The following SH3GL2 variants were observed in gnomAD, a reference collection of about 807,000 sequenced individuals.
The protein encoded by SH3GL2 is endophilin-A1.
A neutral mutation model predicts 46.0 loss-of-function variants in SH3GL2; 24 were observed. The observed-to-expected ratio is 0.52, with a 90% CI of 0.38 to 0.73. The LOEUF is 0.73. Among genes scored for constraint, SH3GL2 ranks in the 30% least tolerant of loss-of-function variants. The probability of loss-of-function intolerance (pLI) is 0.00; values close to 1 mark genes in which losing one functional copy is unlikely to be tolerated. For synonymous variants in SH3GL2, 196 were observed against 147.1 expected, an observed-to-expected ratio of 1.33 and a Z score of -2.40; for missense variants, 413 against 424.2, an observed-to-expected ratio of 0.97 and a Z score of 0.23.
intron 1 of SH3GL2, among the ~76,000 whole-genome samples, chr9:17,591,565 G>A: frequency 6.6e-6 from 1 of 152,164 alleles, no homozygotes; most frequent in East Asian, 1.9e-4. Context: ...ATTTGTATCA[G>A]TTATTCAGGA....
intron 1 of SH3GL2, among the ~76,000 whole-genome samples, chr9:17,711,858 G>A (rs961619504): frequency 6.6e-6 from 1 of 151,764 alleles, no homozygotes; most frequent in African/African-American, 2.4e-5. Context: ...TTATGTGGTA[G>A]ATGTATGTTT....
At chr9:17,769,948 A>G (rs911798571) in intron 3 of SH3GL2, among the ~76,000 whole-genome samples, 1 of 152,156 alleles carries the variant, frequency 6.6e-6, no homozygotes, top group Non-Finnish European at 1.5e-5. Context: ...ACTCCTTTAT[A>G]TATACCCAGT....
At chr9:17,685,738 G>C (rs1820886422) in intron 1 of SH3GL2, among the ~76,000 whole-genome samples, 2 of 151,998 alleles carry the variant, frequency 1.3e-5, no homozygotes, top group South Asian at 4.2e-4. Context: ...TCTCAGGTTT[G>C]TCAAAGATCA....
At chr9:17,678,921 TG>T (rs1208958051) in intron 1 of SH3GL2, among the ~76,000 whole-genome samples, 1 of 152,196 alleles carries the variant, frequency 6.6e-6, no homozygotes, top group Non-Finnish European at 1.5e-5. Context: ...TTGTCAGATT[TG>T]TCAAAGATCA....
intron 3 of SH3GL2, among the ~76,000 whole-genome samples, chr9:17,772,474 C>G (rs1345342343): frequency 1.3e-5 from 2 of 152,188 alleles, no homozygotes; most frequent in African/African-American, 4.8e-5. Context: ...AAGTAAAACT[C>G]TATCCCCATT....
At chr9:17,647,642 T>C (rs1346226282) in intron 1 of SH3GL2, among the ~76,000 whole-genome samples, 1 of 152,184 alleles carries the variant, frequency 6.6e-6, no homozygotes, top group Non-Finnish European at 1.5e-5. Context: ...TACCACAGAA[T>C]ACTACTATTA....
chr9:17,658,037 A>G (rs1189030097), intron 1 of SH3GL2, among the ~76,000 whole-genome samples: 1 of 152,222 alleles, frequency 6.6e-6, no homozygotes, highest in Non-Finnish European at 1.5e-5. Flanking sequence ...CACTGCAGAT[A>G]GGAACTTATG....
intron 1 of SH3GL2, among the ~76,000 whole-genome samples, chr9:17,613,376 T>C (rs929672546): frequency 7.2e-5 from 11 of 152,194 alleles, no homozygotes; most frequent in African/African-American, 2.7e-4. Context: ...TTATAAAATA[T>C]GGAGCTGATG....
chr9:17,620,889 G>A (rs78043204), intron 1 of SH3GL2, among the ~76,000 whole-genome samples: 4,836 of 152,158 alleles, frequency 0.032, 84 homozygotes, highest in African/African-American at 0.048. Context: ...AAGCAGAGGG[G>A]CATTATCTTC....
intron 1 of SH3GL2, among the ~76,000 whole-genome samples, chr9:17,619,382 A>C (rs1013662164): frequency 2.6e-5 from 4 of 152,198 alleles, no homozygotes; most frequent in Non-Finnish European, 5.9e-5. Flanking sequence ...CTACCTATTT[A>C]AAAGAATAGG....
intron 1 of SH3GL2, among the ~76,000 whole-genome samples, chr9:17,709,812 A>G (rs1009776866): frequency 6.6e-6 from 1 of 151,894 alleles, no homozygotes; most frequent in Admixed American, 6.6e-5. Context: ...TATTCAATAT[A>G]TTGAGTTCCT....
intron 1 of SH3GL2, among the ~76,000 whole-genome samples, chr9:17,681,602 A>G (rs949393585): frequency 6.6e-6 from 1 of 151,368 alleles, no homozygotes; most frequent in Admixed American, 6.7e-5. Context: ...TGAAAAACCT[A>G]GAAGAAAACC....
chr9:17,656,522 A>T (rs901660563), intron 1 of SH3GL2, among the ~76,000 whole-genome samples: 6 of 152,152 alleles, frequency 3.9e-5, no homozygotes, highest in African/African-American at 1.4e-4. Context: ...TTGCATTTAC[A>T]ATATCACAAG....
chr9:17,590,721 A>T (rs921411721), intron 1 of SH3GL2: 2 of 152,230 alleles, frequency 1.3e-5, no homozygotes, highest in African/African-American at 4.8e-5. Context: ...TCTTTACACA[A>T]CTTAAATTGT....
chr9:17,596,512 G>A (rs563488381), intron 1 of SH3GL2, among the ~76,000 whole-genome samples: 2 of 152,036 alleles, frequency 1.3e-5, no homozygotes, highest in Non-Finnish European at 1.5e-5. Flanking sequence ...CAGCCCTTAG[G>A]CCACGAGTCT....
At chr9:17,786,286 T>G in intron 3 of SH3GL2, 95 bp from the exon 4 acceptor site, 1 of 1,184,318 alleles carries the variant, frequency 8.4e-7, no homozygotes, top group Non-Finnish European at 1.2e-6. Context: ...GCTGAGCTAC[T>G]TTGTAGGCTG....
intron 1 of SH3GL2, among the ~76,000 whole-genome samples, chr9:17,675,616 A>G (rs1820587602): frequency 6.6e-6 from 1 of 152,262 alleles, no homozygotes. Context: ...TGCTGTATCC[A>G]GCACTGTTAT....
At chr9:17,654,810 C>T (rs1466366532) in intron 1 of SH3GL2, among the ~76,000 whole-genome samples, 2 of 152,098 alleles carry the variant, frequency 1.3e-5, no homozygotes, top group African/African-American at 4.8e-5. Context: ...GCTATAGGAT[C>T]AAAATGCATA....
intron 1 of SH3GL2, among the ~76,000 whole-genome samples, chr9:17,652,641 A>T (rs2134668582): frequency 6.6e-6 from 1 of 152,298 alleles, no homozygotes; most frequent in South Asian, 2.1e-4. Context: ...AAAATGTAAA[A>T]TCCAGAATGC....
Sources: gnomAD v4.1 joint callset for allele counts (sites outside exome capture counted in the v4.1 genomes callset) on GRCh38, gnomAD v4.1.1 for gene constraint, MANE v1.5 for transcripts, NCBI Gene and HGNC (gene_info 2026-07-23, HGNC 2026-07-21) for gene names.